The following APOL5 variants were observed in gnomAD, a reference collection of about 807,000 sequenced individuals.
APOL5 encodes the protein apolipoprotein L5.
A neutral mutation model predicts 35.5 loss-of-function variants in APOL5; 29 were observed. The observed-to-expected ratio is 0.82, with a 90% CI of 0.61 to 1.11. APOL5 has a LOEUF of 1.11. Among genes scored for constraint, APOL5 ranks in the 50% most tolerant of loss-of-function variants. The pLI is 0.00. For missense variants in APOL5, 514 were observed against 530.4 expected (o/e 0.97, Z 0.30); for synonymous variants, 188 against 200.2 (o/e 0.94, Z 0.51).
At chr22:35,710,619 T>C in the APOL5 span, among the ~76,000 whole-genome samples, 1 of 152,084 alleles carries the variant, frequency 6.6e-6, no homozygotes, top group East Asian at 1.9e-4. Flanking sequence ...TTCACATTGT[T>C]GTGCAGCCAT....
chr22:35,720,530 C>A, intron 1 of APOL5, 38 bp from the exon 2 acceptor site: 1 of 1,598,014 alleles, frequency 6.3e-7, no homozygotes, highest in Admixed American at 1.7e-5. Flanking sequence ...GCTGAGATGA[C>A]TCAAGAAGAA....
chr22:35,714,305 CTG>C (rs1926676083), upstream of APOL5, among the ~76,000 whole-genome samples: 1 of 152,088 alleles, frequency 6.6e-6, no homozygotes, highest in South Asian at 2.1e-4. Context: ...GAGCAAGATT[CTG>C]TCTCAAAAAA....
At chr22:35,708,831 AG>A in the APOL5 span, among the ~76,000 whole-genome samples, 1 of 152,136 alleles carries the variant, frequency 6.6e-6, no homozygotes, top group Admixed American at 6.5e-5. Context: ...CTGAAATTCC[AG>A]TTACTGTCAT....
At position 35,720,628 on chromosome 22, in the gene APOL5, G is replaced by C. The variant is rs777145664; in HGVS notation, c.116G>C (p.Trp39Ser). 1.9e-6 allele frequency: 3 copies of C among 1,613,732 alleles called. No homozygotes were observed. Among genetic ancestry groups the C allele is most frequent in the Non-Finnish European group, 2.5e-6 (3 of 1,179,828 alleles). Residue 39 changes from tryptophan (W) to serine (S), a missense_variant, in exon 2 of 5, where the codon TGG becomes TCG. Trp to Ser is a radical substitution (Grantham distance 177, BLOSUM62 -3). Transcript: ENST00000249044. ...AAGGTAATCTACGGAGGTGAGGTCTGGGGGAAGTCCCCAGAACCTGAGTTC... is the reference window on the plus strand; with the variant it reads ...AAGGTAATCTACGGAGGTGAGGTCTCGGGGAAGTCCCCAGAACCTGAGTTC... ...LRKVIYGGEV[W>S]GKSPEPEFPS...
rs1053008911 is a variant in APOL5 at position 35,726,510 on chromosome 22, T to A, written c.442T>A (p.Ser148Thr). The change falls in exon 3 of 5, where the codon TCT becomes ACT. Residue 148 changes from serine (S) to threonine (T), a missense_variant. This residue lies in a region of APOL5 where 254 missense variants were observed against 254.7 expected (regional missense o/e 1.00). Coordinates refer to ENST00000249044, the MANE Select transcript of APOL5 (RefSeq NM_030642.1). ...SLVASSSGAVSGVMNILGLAL... is the reference protein window; with the variant it reads ...SLVASSSGAVTGVMNILGLAL... ...GGTGGCCAGCTCTTCCGGGGCTGTTTCTGGGGTCATGAACATCCTGGGTTT... is the reference window on the plus strand; with the variant it reads ...GGTGGCCAGCTCTTCCGGGGCTGTTACTGGGGTCATGAACATCCTGGGTTT... 4 of 1,614,054 alleles carry A rather than the reference T, an allele frequency of 2.5e-6. No individual in the cohort carries two copies. Among genetic ancestry groups the A allele is most frequent in the Non-Finnish European group, 3.4e-6 (4 of 1,180,042 alleles).
rs552907452 is a variant in APOL5, at chr22:35,728,053, T to C, written c.1127-670T>C. Reference sequence around the variant, plus strand: ...CATTGTCCATTCAACAGATTTTCATTAAGTGGGGCCTGTGATGGGCCGAGG... The same window carrying C: ...CATTGTCCATTCAACAGATTTTCATCAAGTGGGGCCTGTGATGGGCCGAGG... On this transcript the variant is annotated intron_variant, in intron 3 of 4. Coordinates refer to ENST00000249044, the MANE Select transcript of APOL5 (RefSeq NM_030642.1). Among the ~76,000 whole-genome samples the C allele has an allele frequency of 2.8e-4, 42 of 152,348 alleles. 1 individual carries two copies. The highest frequency in any genetic ancestry group is 9.6e-4 in the African/African-American group (40 of 41,584).
chr22:35,728,427 G>T (rs1421806052), intron 3 of APOL5, among the ~76,000 whole-genome samples: 2 of 152,160 alleles, frequency 1.3e-5, no homozygotes, highest in Non-Finnish European at 2.9e-5. Flanking sequence ...GTTTCACCGT[G>T]TTAGCCAGGA....
chr22:35,719,664 C>T (rs879728758), intron 1 of APOL5, among the ~76,000 whole-genome samples: 1 of 152,210 alleles, frequency 6.6e-6, no homozygotes, highest in Non-Finnish European at 1.5e-5. Flanking sequence ...CGGCTCAAAC[C>T]CCTAGGGGGA....
At chr22:35,718,588 C>G (rs1471305753) in intron 1 of APOL5, among the ~76,000 whole-genome samples, 1 of 87,792 alleles carries the variant, frequency 1.1e-5, no homozygotes, top group African/African-American at 5.9e-5. Flanking sequence ...ACAGAGACCC[C>G]GTCTCAAAAA....
At chr22:35,724,070 C>T (rs902337999) in intron 2 of APOL5, among the ~76,000 whole-genome samples, 4 of 152,098 alleles carry the variant, frequency 2.6e-5, no homozygotes, top group African/African-American at 7.2e-5. Context: ...TTGGAGATCC[C>T]CAAACTTTTG....
At chr22:35,711,607 C>CTTCCTTCCTTCCTTCCTTCT in the APOL5 span, among the ~76,000 whole-genome samples, 3,433 of 135,640 alleles carry the variant, frequency 0.025, 149 homozygotes, top group Middle Eastern at 0.07. Context: ...TTTTTCCTTC[C>CTTCCTTCCTTCCTTCCTTCT]TTCCTTCCTT....
chr22:35,713,184 C>G (rs184094100), upstream of APOL5, among the ~76,000 whole-genome samples: 857 of 152,302 alleles, frequency 5.6e-3, 4 homozygotes, highest in African/African-American at 0.02. Flanking sequence ...TCCTTTTAAT[C>G]TAGTTTATCT....
intron 1 of APOL5, among the ~76,000 whole-genome samples, chr22:35,718,512 G>A (rs1926841937): frequency 6.7e-6 from 1 of 149,820 alleles, no homozygotes; most frequent in Non-Finnish European, 1.5e-5. Context: ...CGTTACTCGG[G>A]AGGGTGAGGC....
intron 3 of APOL5, among the ~76,000 whole-genome samples, chr22:35,728,291 T>C (rs975206803): frequency 1.3e-5 from 2 of 152,222 alleles, no homozygotes; most frequent in African/African-American, 4.8e-5. Context: ...TGGCGCCATC[T>C]TGGCTCACTG....
chr22:35,720,608 A>G lies in APOL5; in HGVS notation c.96A>G (p.Val32=). The change falls in exon 2 of 5, where the codon GTA becomes GTG. Residue 32 remains valine (V), a synonymous_variant. Transcript: ENST00000249044. ...EGCKEMWLRK[V]IYGGEVWGKS... is the part of the protein sequence containing the mutation. ...GTAAAGAAATGTGGCTTCGAAAGGTAATCTACGGAGGTGAGGTCTGGGGGA... is the reference window on the plus strand; with the variant it reads ...GTAAAGAAATGTGGCTTCGAAAGGTGATCTACGGAGGTGAGGTCTGGGGGA... 6 of 1,614,206 alleles carry G rather than the reference A, an allele frequency of 3.7e-6. No individual in the cohort carries two copies. Among genetic ancestry groups the G allele is most frequent in the Non-Finnish European group, 5.1e-6 (6 of 1,180,018 alleles).
At position 35,728,786 on chromosome 22, in the gene APOL5, C is replaced by T. The variant is rs201846595; in HGVS notation, c.1190C>T (p.Ala397Val). The change falls in exon 4 of 5, where the codon GCA becomes GTA. Residue 397 changes from alanine to valine, a missense_variant. This residue lies in a region of APOL5 where 238 missense variants were observed against 229.1 expected (regional missense o/e 1.04). Coordinates refer to ENST00000249044, the MANE Select transcript of APOL5 (RefSeq NM_030642.1). The stretch of plus-strand genomic sequence containing the variant: ...CAGCCTAGGCTGGGCCCTGGCGTGG[C>T]ACTGAGGACACCAAAGAGGACAGTC... ...EHQPRLGPGV[A>V]LRTPKRTVSA... The T allele has an allele frequency of 3.7e-6, 6 of 1,613,588 alleles. No homozygotes were observed. The highest frequency in any genetic ancestry group is 1.7e-4 in the Middle Eastern group (1 of 6,056).
chr22:35,717,819 G>A (rs1926813126), upstream of APOL5: 3 of 1,318,932 alleles, frequency 2.3e-6, no homozygotes, highest in Non-Finnish European at 3.1e-6. Context: ...CATGGAGAAG[G>A]GAGTCATATT....
At chr22:35,722,378 C>G (rs1170655265) in intron 2 of APOL5, among the ~76,000 whole-genome samples, 1 of 152,214 alleles carries the variant, frequency 6.6e-6, no homozygotes, top group Non-Finnish European at 1.5e-5. Context: ...TCTCGGCTCA[C>G]TGCAACCTCT....
At chr22:35,716,726 C>T (rs2145994254), upstream of APOL5, among the ~76,000 whole-genome samples, 1 of 149,940 alleles carries the variant, frequency 6.7e-6, no homozygotes, top group Non-Finnish European at 1.5e-5. Flanking sequence ...TATTCCCCTA[C>T]TCCTACATCA....
Sources: allele counts gnomAD v4.1 joint callset (sites outside exome capture counted in the v4.1 genomes callset), GRCh38; gene constraint gnomAD v4.1.1; regional missense constraint gnomAD v4.1.1; transcripts MANE v1.5; gene names NCBI Gene and HGNC (gene_info 2026-07-23, HGNC 2026-07-21).